Variants in ZNF276 observed in about 807,000 individuals in gnomAD.
ZNF276 encodes the protein centromere protein Z.
Under a neutral mutation model 63.9 loss-of-function variants are expected in ZNF276, and 59 were observed. The observed-to-expected ratio is 0.92, with a 90% CI of 0.75 to 1.15. The LOEUF is 1.15. Ranked by LOEUF, ZNF276 falls within the 50% of genes most tolerant of loss-of-function variation. The pLI is 0.00. For synonymous variants in ZNF276, 496 were observed against 348.4 expected (o/e 1.42, Z -4.72); for missense variants, 1,084 against 843.8 (o/e 1.28, Z -3.53).
At chr16:89,720,944 T>G, upstream of ZNF276, 4 of 1,200,968 alleles carry the variant, frequency 3.3e-6, no homozygotes, top group Non-Finnish European at 4.2e-6. Context: ...GCGCTGGTGC[T>G]GGAGCCGCCC....
Position 89,739,658 on chromosome 16 carries a change from GT to G in ZNF276, c.*1413del. ...GACGTGTACCCTGGGAGGCCTGGCT[GT>G]GGGGATAGTGTGGGGCGAACAGCCT... is the stretch of plus-strand genomic sequence containing the variant. On this transcript the variant is annotated 3_prime_UTR_variant, in exon 11 of 11. Transcript: ENST00000443381. 6.6e-7 allele frequency: 1 copy of G among 1,508,168 alleles called. No individual in the cohort carries two copies. Among genetic ancestry groups the G allele is most frequent in the Non-Finnish European group, 9.0e-7 (1 of 1,111,696 alleles). The allele number at this position is 1,508,168 out of a possible 1,614,324, so 93.4% of individuals were successfully genotyped here.
intron 9 of ZNF276, among the ~76,000 whole-genome samples, chr16:89,736,699 G>A (rs1046944736): frequency 6.8e-6 from 1 of 147,906 alleles, no homozygotes; most frequent in African/African-American, 2.5e-5. Flanking sequence ...AGAGGTTGAG[G>A]CAGGAGGATC....
rs1320820328 is a variant in ZNF276, at chr16:89,722,003, C to T, written c.205+158C>T. Among the ~76,000 whole-genome samples, 5 of 152,206 alleles carry T rather than the reference C, an allele frequency of 3.3e-5. No homozygotes were observed. In the East Asian group the frequency reaches 7.7e-4, roughly 24 times the overall value. On this transcript the variant is annotated intron_variant, in intron 1 of 10. Transcript: ENST00000443381. Reference sequence around the variant, plus strand: ...GTCGGGATAGGCGCTGGGCGGCCGGCTCGGTTTTCCTCGCGCTCCGTGACG... The same window carrying T: ...GTCGGGATAGGCGCTGGGCGGCCGGTTCGGTTTTCCTCGCGCTCCGTGACG...
intron 9 of ZNF276, among the ~76,000 whole-genome samples, chr16:89,736,754 C>T (rs1026816715): frequency 1.4e-4 from 19 of 135,732 alleles, no homozygotes; most frequent in Non-Finnish European, 4.5e-5. Context: ...ATGATTGTAC[C>T]ATTGCACTTC....
Position 89,721,548 on chromosome 16 carries a change from C to G in ZNF276, c.-93C>G, listed in dbSNP as rs1039048799. ...TCCGCCCCTCCCCCGCCCCGCCTCG[C>G]TTCCAGCGCGCCGAGCGGAGCCTAA... On this transcript the variant is annotated 5_prime_UTR_variant, in exon 1 of 11. Transcript: ENST00000443381. 25 of 1,306,218 alleles carry G rather than the reference C, an allele frequency of 1.9e-5. No homozygotes were observed. Among genetic ancestry groups the G allele is most frequent in the Non-Finnish European group, 2.4e-5 (24 of 988,054 alleles). 80.9% of individuals were successfully genotyped at this position (1,306,218 alleles called of 1,614,324 possible).
intron 4 of ZNF276, among the ~76,000 whole-genome samples, chr16:89,723,974 A>T (rs16965990): frequency 1.3e-5 from 2 of 152,180 alleles, no homozygotes; most frequent in African/African-American, 4.8e-5. Flanking sequence ...TCAGCCGTCG[A>T]GTCTTTTTCT....
chr16:89,726,945 A>G (rs1474505133), intron 4 of ZNF276, among the ~76,000 whole-genome samples: 1 of 152,214 alleles, frequency 6.6e-6, no homozygotes, highest in Non-Finnish European at 1.5e-5. Context: ...TGCCTGGCCT[A>G]GTAATTTTTT....
At position 89,722,639 on chromosome 16, in the gene ZNF276, G is replaced by C; in HGVS notation, c.314G>C (p.Arg105Thr). The C allele has an allele frequency of 6.2e-7, 1 of 1,612,090 alleles. No homozygotes were observed. The highest frequency in any genetic ancestry group is 1.1e-5 in the South Asian group (1 of 91,088). Reference protein sequence around the residue: ...SERAPGASMERPSAEERVLVR... With the variant: ...SERAPGASMETPSAEERVLVR... The stretch of plus-strand genomic sequence containing the variant: ...AGGGCGCCTGGAGCGAGCATGGAGA[G>C]GCCATCCGCAGAGGAGCGCGTGCTC... The change falls in exon 2 of 11, where the codon AGG becomes ACG. Residue 105 changes from arginine (R) to threonine (T), a missense_variant. Arg to Thr is a moderately conservative substitution (Grantham distance 71). Transcript: ENST00000443381.
In ZNF276 at chr16:89,739,612, G is replaced by A. The variant is rs1264796821; in HGVS notation, c.*1366G>A. 12 of 1,534,558 alleles carry A rather than the reference G, an allele frequency of 7.8e-6. No homozygotes were observed. The highest frequency in any genetic ancestry group is 2.4e-5 in the South Asian group (2 of 83,768). ...GACATCTCTGCCTATTATCAGTGCTGGGGACACCCCTGGGGGTCGGGACGT... is the reference window on the plus strand; with the variant it reads ...GACATCTCTGCCTATTATCAGTGCTAGGGACACCCCTGGGGGTCGGGACGT... On this transcript the variant is annotated 3_prime_UTR_variant, in exon 11 of 11. Coordinates refer to ENST00000443381, the MANE Select transcript of ZNF276 (RefSeq NM_001113525.2).
At chr16:89,723,889 C>T (rs56048434) in intron 4 of ZNF276, among the ~76,000 whole-genome samples, 180 bp downstream of exon 4, 19,475 of 152,290 alleles carry the variant, frequency 0.13, 1,626 homozygotes, top group Middle Eastern at 0.3. Flanking sequence ...CAGGGAGGGG[C>T]GGCCAGCCTG....
chr16:89,738,192 A>C lies in ZNF276; in HGVS notation c.1791A>C (p.Pro597=). The C allele has an allele frequency of 6.2e-7, 1 of 1,611,076 alleles. No individual in the cohort carries two copies. Residue 597 remains proline, a synonymous_variant, in exon 11 of 11, where the codon CCA becomes CCC. Coordinates refer to ENST00000443381, the MANE Select transcript of ZNF276 (RefSeq NM_001113525.2). ...TGGAGGCGGAACCACCACCTGGGCCACCGAGCCCCTCTGTGACCACAGAGG... is the reference window on the plus strand; with the variant it reads ...TGGAGGCGGAACCACCACCTGGGCCCCCGAGCCCCTCTGTGACCACAGAGG... ...LPLEAEPPPG[P]PSPSVTTEGQ...
intron 5 of ZNF276, among the ~76,000 whole-genome samples, chr16:89,728,725 CG>C (rs2061551481): frequency 6.6e-6 from 1 of 151,940 alleles, no homozygotes; most frequent in African/African-American, 2.4e-5. Context: ...TTAGTAGAGA[CG>C]GGGTTTCACG....
At chr16:89,736,289 A>C (rs1025403611) in intron 9 of ZNF276, among the ~76,000 whole-genome samples, 1 of 150,614 alleles carries the variant, frequency 6.6e-6, no homozygotes, top group African/African-American at 2.4e-5. Context: ...GGCCTCCCAA[A>C]GTGCTGGGAT....
chr16:89,723,263 A>G lies in ZNF276; in HGVS notation c.560A>G (p.Asp187Gly), dbSNP rs987396331. 3.1e-6 allele frequency: 5 copies of G among 1,612,902 alleles called. No individual in the cohort carries two copies. Among genetic ancestry groups the G allele is most frequent in the South Asian group, 1.1e-5 (1 of 91,078 alleles). Reference sequence around the variant, plus strand: ...CATCTCTGTTGACTCTCTGCAGTGGATCTGATCACATCCAGCCCCCAGTGC... The same window carrying G: ...CATCTCTGTTGACTCTCTGCAGTGGGTCTGATCACATCCAGCCCCCAGTGC... The part of the protein sequence containing the change: ...TGAEEGACLV[D>G]LITSSPQCLH... The change falls in exon 4 of 11, where the codon GAT becomes GGT. Residue 187 changes from aspartate (D) to glycine (G), a missense_variant. Asp to Gly is a moderately conservative substitution (Grantham distance 94). Transcript: ENST00000443381.
Position 89,738,447 on chromosome 16 carries a change from CG to C in ZNF276, c.*205del, listed in dbSNP as rs887428503. ...ATTTTCCCGCAAACGCTGAGTGACT[CG>C]GGGCCGGACAGTTCATAAATAATTG... On this transcript the variant is annotated 3_prime_UTR_variant, in exon 11 of 11. Coordinates refer to ENST00000443381, the MANE Select transcript of ZNF276 (RefSeq NM_001113525.2). The C allele has an allele frequency of 1.7e-5, 24 of 1,384,924 alleles. No homozygotes were observed. The African/African-American group carries it at 3.2e-4, about 18-fold the overall frequency. 85.8% of individuals were successfully genotyped at this position (1,384,924 alleles called of 1,614,324 possible).
Position 89,740,678 on chromosome 16 carries a change from C to T in ZNF276, c.*2432C>T. The T allele has an allele frequency of 6.9e-6, 5 of 722,560 alleles. No individual in the cohort carries two copies. The highest frequency in any genetic ancestry group is 1.2e-5 in the Non-Finnish European group (5 of 413,690). The allele number at this position is 722,560 out of a possible 1,614,324, so 44.8% of individuals were successfully genotyped here. On this transcript the variant is annotated 3_prime_UTR_variant, in exon 11 of 11. Coordinates refer to ENST00000443381, the MANE Select transcript of ZNF276 (RefSeq NM_001113525.2). Reference sequence around the variant, plus strand: ...AACCCACGGCCTGGGAGTTCTCACTCACACTTCCGCAAACACAAGGAGCTC... The same window carrying T: ...AACCCACGGCCTGGGAGTTCTCACTTACACTTCCGCAAACACAAGGAGCTC...
Position 89,740,196 on chromosome 16 carries a change from T to TC in ZNF276, c.*1950_*1951insC. ...CAGCACAGAAGAGGGCATTTCCTCT[T>TC]TGCTTATTGTAAGTCTTAAAACTGG... On this transcript the variant is annotated 3_prime_UTR_variant, in exon 11 of 11. Transcript: ENST00000443381. 2 of 984,548 alleles carry TC rather than the reference T, an allele frequency of 2.0e-6. No individual in the cohort carries two copies. Among genetic ancestry groups the TC allele is most frequent in the Non-Finnish European group, 3.3e-6 (2 of 608,018 alleles). 61.0% of individuals were successfully genotyped at this position (984,548 alleles called of 1,614,324 possible). A position where few individuals can be genotyped will look rare whatever the true frequency, so the allele number is the denominator to read the frequency against.
chr16:89,737,706 G>A, intron 9 of ZNF276, 100 bp from the exon 10 acceptor site: 1 of 1,586,444 alleles, frequency 6.3e-7, no homozygotes. Context: ...ACCATGTGCA[G>A]AAATGTCTTC....
rs371304408 is a variant in ZNF276, at chr16:89,736,443, G to A, written c.1475-1363G>A. Among the ~76,000 whole-genome samples, 31 of 151,758 alleles carry A rather than the reference G, an allele frequency of 2.0e-4. No individual in the cohort carries two copies. The East Asian group carries it at 2.7e-3, about 13-fold the overall frequency. On this transcript the variant is annotated intron_variant, in intron 9 of 10. Transcript: ENST00000443381. ...GGGTTCATGCAATTCTGCTGCCTCA[G>A]CCTCCCGAGTAGCTGGGACTACAGG...
Sources: allele counts gnomAD v4.1 joint callset (sites outside exome capture counted in the v4.1 genomes callset), GRCh38; gene constraint gnomAD v4.1.1; transcripts MANE v1.5; gene names NCBI Gene and HGNC (gene_info 2026-07-23, HGNC 2026-07-21).